The following JPH2 variants were observed in gnomAD, a reference collection of about 807,000 sequenced individuals.
JPH2 encodes junctophilin 2.
JPH2 carries 38 observed loss-of-function variants against 55.9 expected under a neutral mutation model. The ratio of observed to expected loss-of-function variants is 0.68; its 90% CI spans 0.52 to 0.89. The LOEUF is 0.89. Among genes scored for constraint, JPH2 ranks in the 40% least tolerant of loss-of-function variants. The pLI is 0.00. For synonymous variants in JPH2, 480 were observed against 472.4 expected (o/e 1.02, Z -0.21); for missense variants, 964 against 1,037.6 (o/e 0.93, Z 0.97).
At chr20:44,143,564 G>C (rs943362403) in intron 2 of JPH2, among the ~76,000 whole-genome samples, 1 of 152,190 alleles carries the variant, frequency 6.6e-6, no homozygotes, top group Non-Finnish European at 1.5e-5. Context: ...AGTCCCCGTG[G>C]TCTGCAGTGA....
At chr20:44,180,376 G>T (rs1337989256) in intron 1 of JPH2, among the ~76,000 whole-genome samples, 1 of 151,222 alleles carries the variant, frequency 6.6e-6, no homozygotes, top group Non-Finnish European at 1.5e-5. Flanking sequence ...CTGTTGCATA[G>T]CCTGGAGTGC....
chr20:44,121,393 A>C (rs2072234894), intron 2 of JPH2, among the ~76,000 whole-genome samples: 1 of 152,170 alleles, frequency 6.6e-6, no homozygotes, highest in Admixed American at 6.5e-5. Context: ...AACTGGGCGC[A>C]CGGTAAGGGG....
At chr20:44,137,602 A>G (rs922651103) in intron 2 of JPH2, among the ~76,000 whole-genome samples, 1 of 152,232 alleles carries the variant, frequency 6.6e-6, no homozygotes, top group Non-Finnish European at 1.5e-5. Context: ...GGGAGGAAGA[A>G]GCCACCAGGC....
At chr20:44,180,884 A>T (rs979081496) in intron 1 of JPH2, among the ~76,000 whole-genome samples, 8 of 149,094 alleles carry the variant, frequency 5.4e-5, no homozygotes, top group Non-Finnish European at 1.2e-4. Context: ...AGCACTAAGG[A>T]CTCTAGGAGG....
At chr20:44,128,637 G>C (rs191834836) in intron 2 of JPH2, among the ~76,000 whole-genome samples, 378 of 151,914 alleles carry the variant, frequency 2.5e-3, no homozygotes, top group African/African-American at 8.9e-3. Context: ...TGGAAAATGA[G>C]CATTTTTAAA....
At position 44,134,156 on chromosome 20, in the gene JPH2, A is replaced by AAT. The variant is rs1465187422; in HGVS notation, c.1170-15535_1170-15534dup. 1.5e-3 allele frequency among the ~76,000 whole-genome samples: 19 copies of AAT among 13,102 alleles called. 2 individuals carry two copies. The highest frequency in any genetic ancestry group is 2.3e-3 in the African/African-American group (12 of 5,160). 8.6% of individuals were successfully genotyped at this position (13,102 alleles called of 152,430 possible). ...AATATATAAATAAATATTTATTATA[A>AAT]ATATATAAATATTTATTATAAATAT... On this transcript the variant is annotated intron_variant, in intron 2 of 5. Coordinates refer to ENST00000372980, the MANE Select transcript of JPH2 (RefSeq NM_020433.5).
At position 44,186,814 on chromosome 20, in the gene JPH2, C is replaced by T; in HGVS notation, c.-109G>A. The T allele has an allele frequency of 1.8e-6, 2 of 1,085,622 alleles. No individual in the cohort carries two copies. Among genetic ancestry groups the T allele is most frequent in the Non-Finnish European group, 2.7e-6 (2 of 732,592 alleles). The allele number at this position is 1,085,622 out of a possible 1,614,324, so 67.2% of individuals were successfully genotyped here. ...CCTCGGGGGCAGGCCCCCAGACTCA[C>T]CACTGCACCCCAGGAGGGGGGAAGC... On this transcript the variant is annotated 5_prime_UTR_variant, in exon 1 of 6. The change creates a new upstream start codon in the 5' untranslated region. Transcript: ENST00000372980.
In JPH2 at chr20:44,118,802, C is replaced by CT. The variant is rs572218315; in HGVS notation, c.1170-180dup. ...TGCATTCTCCAGATCATTTCTTCTT[C>CT]TTTCTGAGCACTTAGATAGACTACC... On this transcript the variant is annotated intron_variant, in intron 2 of 5. Transcript: ENST00000372980. Among the ~76,000 whole-genome samples, 257 of 152,364 alleles carry CT rather than the reference C, an allele frequency of 1.7e-3. 2 individuals carry two copies. In the Middle Eastern group the frequency reaches 0.051, roughly 30 times the overall value.
chr20:44,131,648 CTTTTA>C (rs1298397015), intron 2 of JPH2, among the ~76,000 whole-genome samples: 1 of 152,174 alleles, frequency 6.6e-6, no homozygotes, highest in Non-Finnish European at 1.5e-5. Flanking sequence ...TCCTGCCATA[CTTTTA>C]TAATTTATTC....
At chr20:44,116,521 A>AC in intron 3 of JPH2, 135 bp from the exon 4 acceptor site, 2 of 995,872 alleles carry the variant, frequency 2.0e-6, no homozygotes, top group Non-Finnish European at 3.0e-6. Flanking sequence ...AGTGCCAGGC[A>AC]CTGTTCCAAG....
chr20:44,148,459 A>G (rs2072507696), intron 2 of JPH2, among the ~76,000 whole-genome samples: 1 of 152,134 alleles, frequency 6.6e-6, no homozygotes, highest in Non-Finnish European at 1.5e-5. Flanking sequence ...TTCTGACACA[A>G]TGGCCTTCCC....
chr20:44,139,850 T>A (rs1261950341), intron 2 of JPH2, among the ~76,000 whole-genome samples: 1 of 152,152 alleles, frequency 6.6e-6, no homozygotes, highest in Non-Finnish European at 1.5e-5. Flanking sequence ...CTTTTCTAAC[T>A]GTTGGGTTTT....
chr20:44,155,847 C>T (rs1178621483), intron 2 of JPH2, among the ~76,000 whole-genome samples: 1 of 152,092 alleles, frequency 6.6e-6, no homozygotes, highest in African/African-American at 2.4e-5. Context: ...AATAGTCTGG[C>T]CAATATGGCA....
chr20:44,134,393 ATTT>A (rs1405039818), intron 2 of JPH2, among the ~76,000 whole-genome samples: 1 of 27,810 alleles, frequency 3.6e-5, no homozygotes, highest in Admixed American at 9.2e-4. Flanking sequence ...ATAAATATAT[ATTT>A]ATTATAAATA....
At chr20:44,184,462 A>G (rs2072814827) in intron 1 of JPH2, among the ~76,000 whole-genome samples, 1 of 152,178 alleles carries the variant, frequency 6.6e-6, no homozygotes, top group African/African-American at 2.4e-5. Flanking sequence ...ACACACACTC[A>G]GAGATTCTGA....
chr20:44,173,801 C>G (rs1444313955), intron 1 of JPH2, among the ~76,000 whole-genome samples: 1 of 152,196 alleles, frequency 6.6e-6, no homozygotes, highest in Admixed American at 6.5e-5. Flanking sequence ...GTAATCCCAG[C>G]TACTCAGGAG....
At chr20:44,181,608 C>A (rs1416560106) in intron 1 of JPH2, among the ~76,000 whole-genome samples, 2 of 152,180 alleles carry the variant, frequency 1.3e-5, no homozygotes, top group African/African-American at 4.8e-5. Context: ...GACTTCTGAA[C>A]CTTTGAGGAT....
chr20:44,164,305 G>A (rs1373134917), intron 1 of JPH2, among the ~76,000 whole-genome samples: 1 of 152,240 alleles, frequency 6.6e-6, no homozygotes, highest in Non-Finnish European at 1.5e-5. Flanking sequence ...AGAATGGAAT[G>A]TGGAGTCATC....
chr20:44,175,133 T>C (rs1214529388), intron 1 of JPH2, among the ~76,000 whole-genome samples: 1 of 152,238 alleles, frequency 6.6e-6, no homozygotes, highest in African/African-American at 2.4e-5. Flanking sequence ...ATTTAGATCC[T>C]TCTAGGCCTT....
Sources: allele counts gnomAD v4.1 joint callset (sites outside exome capture counted in the v4.1 genomes callset), GRCh38; gene constraint gnomAD v4.1.1; transcripts MANE v1.5; gene names NCBI Gene and HGNC (gene_info 2026-07-23, HGNC 2026-07-21).